The following JMJD1C variants were observed in gnomAD, a reference collection of about 807,000 sequenced individuals.
The protein encoded by JMJD1C is jumonji domain containing 1C.
In JMJD1C, 31 loss-of-function variants were observed where a neutral mutation model predicts 245.3. That is an observed-to-expected ratio of 0.13 (90% confidence interval 0.09 to 0.17). The LOEUF (loss-of-function observed/expected upper bound fraction) is 0.17. JMJD1C is among the 10% of genes least tolerant of loss of function. JMJD1C has a pLI of 1.00. For synonymous variants in JMJD1C, 1,057 were observed against 1,017.4 expected, an observed-to-expected ratio of 1.04 and a Z score of -0.74; for missense variants, 2,691 against 3,000.2, an observed-to-expected ratio of 0.90 and a Z score of 2.41.
chr10:63,221,516 A>G (rs1392602545), intron 3 of JMJD1C, among the ~76,000 whole-genome samples: 7 of 152,228 alleles, frequency 4.6e-5, no homozygotes, highest in Admixed American at 3.9e-4. Flanking sequence ...TGTCATACAA[A>G]TAAGTAGGCA....
chr10:63,202,865 T>C, intron 10 of JMJD1C: 2 of 978,180 alleles, frequency 2.0e-6, no homozygotes, highest in Non-Finnish European at 2.4e-6. Flanking sequence ...TTGGAACACT[T>C]GCTTCTAATC....
At chr10:63,280,997 G>T (rs191343010) in intron 2 of JMJD1C, among the ~76,000 whole-genome samples, 1 of 149,198 alleles carries the variant, frequency 6.7e-6, no homozygotes, top group African/African-American at 2.5e-5. Context: ...TTGCTGTGTC[G>T]CCCAGGATGG....
intron 1 of JMJD1C, among the ~76,000 whole-genome samples, chr10:63,505,543 G>A (rs984074919): frequency 6.6e-6 from 1 of 152,018 alleles, no homozygotes; most frequent in South Asian, 2.1e-4. Context: ...TTTAGAGTCT[G>A]TTATAATGGC....
intron 1 of JMJD1C, among the ~76,000 whole-genome samples, chr10:63,402,367 T>C (rs1948920619): frequency 6.6e-6 from 1 of 152,222 alleles, no homozygotes; most frequent in South Asian, 2.1e-4. Flanking sequence ...CTTTTCTTTT[T>C]AAAAATTGTT....
chr10:63,219,360 C>T (rs1445166981), intron 4 of JMJD1C, among the ~76,000 whole-genome samples: 1 of 152,108 alleles, frequency 6.6e-6, no homozygotes. Context: ...CTTGTATTTA[C>T]AATACATGAT....
chr10:63,434,832 G>A (rs1458395994), intron 1 of JMJD1C, among the ~76,000 whole-genome samples: 1 of 152,198 alleles, frequency 6.6e-6, no homozygotes, highest in Non-Finnish European at 1.5e-5. Flanking sequence ...GTTCACCTGA[G>A]TTTGGAATAG....
chr10:63,319,059 C>G (rs1209825863), intron 2 of JMJD1C, among the ~76,000 whole-genome samples: 1 of 151,908 alleles, frequency 6.6e-6, no homozygotes, highest in African/African-American at 2.4e-5. Flanking sequence ...AGGAGATCGA[C>G]ACCATCCTGA....
intron 2 of JMJD1C, among the ~76,000 whole-genome samples, chr10:63,343,918 C>T (rs1018288227): frequency 6.6e-6 from 1 of 151,656 alleles, no homozygotes; most frequent in Non-Finnish European, 1.5e-5. Flanking sequence ...TGTGCCTGTA[C>T]TCCCAGCTAC....
chr10:63,359,292 G>C (rs1048828694), intron 2 of JMJD1C, among the ~76,000 whole-genome samples: 2 of 152,150 alleles, frequency 1.3e-5, no homozygotes, highest in Non-Finnish European at 2.9e-5. Context: ...ATTTTTCTAA[G>C]CTGTTGTGCA....
At position 63,217,456 on chromosome 10, in the gene JMJD1C, AT is replaced by A. The variant is rs543268194; in HGVS notation, c.554-126del. 4,280 of 712,508 alleles carry A rather than the reference AT, an allele frequency of 6.0e-3. 27 individuals carry two copies. The highest frequency in any genetic ancestry group is 0.023 in the Middle Eastern group (56 of 2,472). 44.1% of individuals were successfully genotyped at this position (712,508 alleles called of 1,614,324 possible). ...TATCCAACTATCAGTTTTCAAAAAA[AT>A]GTTTTAGAAGTAAATATCCTTTCAA... On this transcript the variant is annotated intron_variant, in intron 4 of 25. Coordinates refer to ENST00000399262, the MANE Select transcript of JMJD1C (RefSeq NM_032776.3).
intron 2 of JMJD1C, chr10:63,268,846 C>A (rs938925629): frequency 2.0e-6 from 2 of 985,814 alleles, no homozygotes; most frequent in African/African-American, 1.7e-5. Flanking sequence ...AGCTCACTTG[C>A]AGCGGCGTCA....
chr10:63,320,668 A>G (rs958638701), intron 2 of JMJD1C, among the ~76,000 whole-genome samples: 1 of 152,214 alleles, frequency 6.6e-6, no homozygotes, highest in Non-Finnish European at 1.5e-5. Flanking sequence ...TGAAATATAT[A>G]TTTGTTTTTT....
intron 4 of JMJD1C, among the ~76,000 whole-genome samples, chr10:63,219,439 C>T (rs1249996319): frequency 6.6e-6 from 1 of 152,102 alleles, no homozygotes; most frequent in East Asian, 1.9e-4. Flanking sequence ...CACGTTGTAA[C>T]ATACTAAACA....
chr10:63,421,498 C>G (rs925737787), intron 1 of JMJD1C, among the ~76,000 whole-genome samples: 1 of 152,084 alleles, frequency 6.6e-6, no homozygotes, highest in Admixed American at 6.6e-5. Flanking sequence ...TAGTTCTTGA[C>G]CTGGGGGATA....
intron 3 of JMJD1C, among the ~76,000 whole-genome samples, chr10:63,254,367 A>G (rs1025985737): frequency 6.6e-6 from 1 of 152,178 alleles, no homozygotes; most frequent in Non-Finnish European, 1.5e-5. Context: ...GTGAAATTGT[A>G]CAGGCAATAA....
intron 1 of JMJD1C, among the ~76,000 whole-genome samples, chr10:63,424,599 T>C (rs1238272176): frequency 7.8e-6 from 1 of 127,782 alleles, no homozygotes. Context: ...CTCGACCTCC[T>C]GGGCTCAAGC....
intron 1 of JMJD1C, among the ~76,000 whole-genome samples, chr10:63,453,660 A>G (rs1261776946): frequency 6.6e-6 from 1 of 152,250 alleles, no homozygotes; most frequent in African/African-American, 2.4e-5. Flanking sequence ...AAAGCCATAC[A>G]GAATAATGTA....
intron 8 of JMJD1C, among the ~76,000 whole-genome samples, chr10:63,211,691 T>G (rs1487045403): frequency 1.3e-5 from 2 of 151,544 alleles, no homozygotes; most frequent in Non-Finnish European, 2.9e-5. Context: ...AACTGTGATC[T>G]CACTTAACTT....
intron 13 of JMJD1C, among the ~76,000 whole-genome samples, chr10:63,196,632 C>T (rs562406061): frequency 3.3e-5 from 5 of 152,296 alleles, no homozygotes; most frequent in African/African-American, 1.2e-4. Flanking sequence ...AAATGACACT[C>T]ATTACTTTGA....
Sources: allele counts gnomAD v4.1 joint callset (sites outside exome capture counted in the v4.1 genomes callset), GRCh38; gene constraint gnomAD v4.1.1; transcripts MANE v1.5; gene names NCBI Gene and HGNC (gene_info 2026-07-23, HGNC 2026-07-21).